The following NALF1 variants were observed in gnomAD, a reference collection of about 807,000 sequenced individuals.
NALF1 encodes family with sequence similarity 155 member A.
Under a neutral mutation model 48.4 loss-of-function variants are expected in NALF1, and 3 were observed. The observed-to-expected ratio is 0.06, with a 90% CI of 0.03 to 0.16. NALF1 has a LOEUF of 0.16. Among genes scored for constraint, NALF1 ranks in the 10% least tolerant of loss-of-function variants. The pLI is 1.00. For synonymous variants in NALF1, 262 were observed against 245.7 expected (o/e 1.07, Z -0.62); for missense variants, 526 against 571.5 (o/e 0.92, Z 0.81).
intron 1 of NALF1, among the ~76,000 whole-genome samples, chr13:107,620,452 T>C (rs1371134023): frequency 6.6e-6 from 1 of 152,218 alleles, no homozygotes; most frequent in Non-Finnish European, 1.5e-5. Flanking sequence ...AATTCTATAA[T>C]TAGATGTTCA....
At chr13:107,557,834 C>T (rs990246660) in intron 1 of NALF1, among the ~76,000 whole-genome samples, 2 of 151,974 alleles carry the variant, frequency 1.3e-5, no homozygotes, top group African/African-American at 4.8e-5. Context: ...GCTGAGGAAC[C>T]GAAAAGAGGC....
chr13:107,532,094 C>A (rs1335298283), intron 1 of NALF1, among the ~76,000 whole-genome samples: 1 of 152,166 alleles, frequency 6.6e-6, no homozygotes, highest in Non-Finnish European at 1.5e-5. Context: ...ACAAGCTACC[C>A]TTTTGTATAC....
chr13:107,197,824 T>C (rs752442935), intron 2 of NALF1, among the ~76,000 whole-genome samples: 4 of 152,250 alleles, frequency 2.6e-5, no homozygotes, highest in Non-Finnish European at 5.9e-5. Flanking sequence ...TGGAAATTTT[T>C]ATATCCTTTA....
At chr13:107,710,506 TG>T (rs1170734316) in intron 1 of NALF1, among the ~76,000 whole-genome samples, 2 of 150,076 alleles carry the variant, frequency 1.3e-5, no homozygotes, top group East Asian at 3.9e-4. Flanking sequence ...TATGCATGGC[TG>T]GGGAAGCCTC....
At chr13:107,810,886 C>T (rs1220451890) in intron 1 of NALF1, among the ~76,000 whole-genome samples, 1 of 152,102 alleles carries the variant, frequency 6.6e-6, no homozygotes, top group Non-Finnish European at 1.5e-5. Flanking sequence ...AATCTCTTGC[C>T]TCTCTATTCT....
chr13:107,334,116 T>A lies in NALF1; in HGVS notation c.916-123361A>T, dbSNP rs1306118764. ...ACTAAACATAAATTAAATATTCTCA[T>A]TATAATTCAGTTGCTGTGATGGCAG... is the stretch of plus-strand genomic sequence containing the variant. On this transcript the variant is annotated intron_variant, in intron 1 of 2. Transcript: ENST00000375915. Among the ~76,000 whole-genome samples the A allele has an allele frequency of 3.3e-5, 5 of 152,304 alleles. 1 individual carries two copies. The highest frequency in any genetic ancestry group is 3.4e-3 in the Middle Eastern group (1 of 294).
At chr13:107,419,703 A>G (rs1012389414) in intron 1 of NALF1, among the ~76,000 whole-genome samples, 5 of 152,228 alleles carry the variant, frequency 3.3e-5, no homozygotes, top group Admixed American at 2.6e-4. Flanking sequence ...AAAATCTTTA[A>G]TAAGCATGAT....
At chr13:107,857,781 A>G (rs764107611) in intron 1 of NALF1, among the ~76,000 whole-genome samples, 1 of 152,194 alleles carries the variant, frequency 6.6e-6, no homozygotes, top group South Asian at 2.1e-4. Context: ...TCTGTTTATA[A>G]AAGTCTTGTA....
intron 2 of NALF1, among the ~76,000 whole-genome samples, chr13:107,180,162 A>ACAT (rs1179875515): frequency 6.6e-6 from 1 of 151,816 alleles, no homozygotes; most frequent in East Asian, 1.9e-4. Context: ...AATTTAAAGA[A>ACAT]CATCTATTTT....
chr13:107,761,280 G>C (rs1387752989), intron 1 of NALF1, among the ~76,000 whole-genome samples: 1 of 151,768 alleles, frequency 6.6e-6, no homozygotes, highest in Admixed American at 6.6e-5. Context: ...TGGCGTGAAC[G>C]CAGGAGACAG....
chr13:107,583,290 C>T (rs981573196), intron 1 of NALF1, among the ~76,000 whole-genome samples: 12 of 151,822 alleles, frequency 7.9e-5, no homozygotes, highest in African/African-American at 2.4e-4. Context: ...TTTAATGATA[C>T]GCTTCTCCAC....
At chr13:107,741,229 C>T (rs575019796) in intron 1 of NALF1, among the ~76,000 whole-genome samples, 4 of 152,268 alleles carry the variant, frequency 2.6e-5, no homozygotes, top group African/African-American at 9.6e-5. Flanking sequence ...TCTGGAATTC[C>T]ACTAACTATG....
At chr13:107,600,136 G>C (rs1305305961) in intron 1 of NALF1, among the ~76,000 whole-genome samples, 1 of 152,088 alleles carries the variant, frequency 6.6e-6, no homozygotes, top group Non-Finnish European at 1.5e-5. Flanking sequence ...AAATATTGTA[G>C]GTAAGAAAAT....
chr13:107,450,636 C>A (rs1019858018), intron 1 of NALF1, among the ~76,000 whole-genome samples: 3 of 152,148 alleles, frequency 2.0e-5, no homozygotes, highest in Admixed American at 6.5e-5. Flanking sequence ...GCGAGAAAGG[C>A]TGCAATGTGC....
At chr13:107,718,839 C>A (rs560830218) in intron 1 of NALF1, among the ~76,000 whole-genome samples, 1 of 152,176 alleles carries the variant, frequency 6.6e-6, no homozygotes, top group Non-Finnish European at 1.5e-5. Context: ...TTCATTTCCT[C>A]GGTCACCTTA....
At chr13:107,247,409 C>T (rs1328637109) in intron 1 of NALF1, among the ~76,000 whole-genome samples, 1 of 152,132 alleles carries the variant, frequency 6.6e-6, no homozygotes, top group African/African-American at 2.4e-5. Context: ...TGATGATACA[C>T]CCCAAAGGGG....
At chr13:107,458,956 C>T (rs1884871508) in intron 1 of NALF1, among the ~76,000 whole-genome samples, 1 of 151,774 alleles carries the variant, frequency 6.6e-6, no homozygotes, top group African/African-American at 2.4e-5. Context: ...AAGATCTTGC[C>T]TGAGAGAGGT....
intron 1 of NALF1, among the ~76,000 whole-genome samples, chr13:107,576,718 G>A (rs1320861721): frequency 2.0e-5 from 3 of 152,174 alleles, no homozygotes; most frequent in Non-Finnish European, 4.4e-5. Flanking sequence ...GGCCATTCTA[G>A]GAGGAAAAGA....
At chr13:107,536,731 A>G (rs1180482570) in intron 1 of NALF1, among the ~76,000 whole-genome samples, 1 of 152,204 alleles carries the variant, frequency 6.6e-6, no homozygotes, top group Non-Finnish European at 1.5e-5. Flanking sequence ...ATTACTGGGT[A>G]TATACCCAAA....
Sources: gnomAD v4.1 joint callset for allele counts (sites outside exome capture counted in the v4.1 genomes callset) on GRCh38, gnomAD v4.1.1 for gene constraint, MANE v1.5 for transcripts, NCBI Gene and HGNC (gene_info 2026-07-23, HGNC 2026-07-21) for gene names.